SLC18B1: variants seen among roughly 807,000 people sequenced by gnomAD.
SLC18B1 encodes the protein MFS-type transporter SLC18B1.
In SLC18B1, 62 loss-of-function variants were observed where a neutral mutation model predicts 53.9. The observed-to-expected ratio is 1.15, with a 90% CI of 0.94 to 1.42. SLC18B1 has a LOEUF of 1.42. Ranked by LOEUF, SLC18B1 falls within the 40% of genes most tolerant of loss-of-function variation. The probability of loss-of-function intolerance (pLI) is 0.00; values close to 1 mark genes in which losing one functional copy is unlikely to be tolerated. For synonymous variants in SLC18B1, 217 were observed against 200.9 expected (o/e 1.08, Z -0.68); for missense variants, 598 against 547.3 (o/e 1.09, Z -0.93).
intron 6 of SLC18B1, among the ~76,000 whole-genome samples, chr6:132,782,054 G>A (rs1781250885): frequency 6.6e-6 from 1 of 151,648 alleles, no homozygotes; most frequent in African/African-American, 2.4e-5. Context: ...CAGGTGTGGT[G>A]GCATGCACCT....
chr6:132,797,478 A>G (rs372775783), intron 1 of SLC18B1, among the ~76,000 whole-genome samples: 3 of 152,120 alleles, frequency 2.0e-5, no homozygotes, highest in Non-Finnish European at 4.4e-5. Context: ...GGGCCCCTGT[A>G]TCCCAGCTAC....
At chr6:132,775,544 A>G (rs1476967497) in intron 8 of SLC18B1, among the ~76,000 whole-genome samples, 1 of 152,230 alleles carries the variant, frequency 6.6e-6, no homozygotes, top group Non-Finnish European at 1.5e-5. Flanking sequence ...TGATAAATAA[A>G]TATGCAAATG....
chr6:132,778,882 G>GA (rs1398768502), intron 7 of SLC18B1, among the ~76,000 whole-genome samples: 6 of 152,154 alleles, frequency 3.9e-5, no homozygotes, highest in East Asian at 1.9e-4. Flanking sequence ...ACCCAGGGGG[G>GA]ATCTGTTATA....
rs113308466 is a variant in SLC18B1, at chr6:132,770,504, G to T, written c.1305-168C>A. ...TAATCCCAGCATTTTGGGAGGCAGA[G>T]GCAGGCGGATCACTTGAGGTCAGGA... On this transcript the variant is annotated intron_variant, in intron 13 of 13. Coordinates refer to ENST00000275227, the MANE Select transcript of SLC18B1 (RefSeq NM_052831.3). 6.6e-4 allele frequency among the ~76,000 whole-genome samples: 100 copies of T among 152,320 alleles called. 1 individual carries two copies. Among genetic ancestry groups the T allele is most frequent in the African/African-American group, 2.4e-3 (98 of 41,568 alleles).
At position 132,770,137 on chromosome 6, in the gene SLC18B1, G is replaced by A. The variant is rs1029543217; in HGVS notation, c.*133C>T. 7 of 692,402 alleles carry A rather than the reference G, an allele frequency of 1.0e-5. No individual in the cohort carries two copies. Among genetic ancestry groups the A allele is most frequent in the African/African-American group, 9.0e-5 (5 of 55,448 alleles). 42.9% of individuals were successfully genotyped at this position (692,402 alleles called of 1,614,324 possible). On this transcript the variant is annotated 3_prime_UTR_variant, in exon 14 of 14. Coordinates refer to ENST00000275227, the MANE Select transcript of SLC18B1 (RefSeq NM_052831.3). ...CCAATACAGGATCATCCAAAAACAC[G>A]TTGACACTTCCAAGACACTGGCACG...
chr6:132,787,576 A>T lies in SLC18B1; in HGVS notation c.359T>A (p.Leu120Ter). 6.4e-7 allele frequency: 1 copy of T among 1,569,892 alleles called. No homozygotes were observed. Reference sequence around the variant, plus strand: ...TACTGGCCCATCTGGAACTCGGTCCAATACACTAAAAAGGAATAAGACAAT... The same window carrying T: ...TACTGGCCCATCTGGAACTCGGTCCTATACACTAAAAAGGAATAAGACAAT... ...SGGVTILFGV[L>*]DRVPDGPVFI... Residue 120 changes from leucine to a stop codon, truncating the protein, a stop_gained, in exon 5 of 14, where the codon TTG becomes TAG. Coordinates refer to ENST00000275227, the MANE Select transcript of SLC18B1 (RefSeq NM_052831.3). LOFTEE classifies it high-confidence loss of function.
chr6:132,797,291 C>A (rs572253669), intron 1 of SLC18B1, among the ~76,000 whole-genome samples, 170 bp from the exon 2 acceptor site: 1 of 152,352 alleles, frequency 6.6e-6, no homozygotes, highest in South Asian at 2.1e-4. Flanking sequence ...TTGTACATTA[C>A]TGCCGTTTTG....
chr6:132,788,241 T>C (rs1482763885), intron 4 of SLC18B1, among the ~76,000 whole-genome samples: 4 of 151,602 alleles, frequency 2.6e-5, no homozygotes, highest in Non-Finnish European at 4.4e-5. Context: ...CTTGGTCCAA[T>C]ACACTAAAAA....
At chr6:132,796,327 C>T (rs1410491870) in intron 2 of SLC18B1, among the ~76,000 whole-genome samples, 3 of 136,882 alleles carry the variant, frequency 2.2e-5, no homozygotes, top group East Asian at 4.1e-4. Flanking sequence ...TGCACTCCAG[C>T]CTGGGCGAGA....
intron 2 of SLC18B1, among the ~76,000 whole-genome samples, chr6:132,793,853 T>G (rs1781606716): frequency 6.6e-6 from 1 of 152,172 alleles, no homozygotes; most frequent in South Asian, 2.1e-4. Flanking sequence ...CTGAATAAAA[T>G]GAACTTTAAT....
At chr6:132,783,795 T>C (rs978222951) in intron 6 of SLC18B1, 138 bp downstream of exon 6, 2 of 638,344 alleles carry the variant, frequency 3.1e-6, no homozygotes, top group African/African-American at 1.9e-5. Context: ...ACTAATTGCC[T>C]ACATTACTGA....
intron 9 of SLC18B1, among the ~76,000 whole-genome samples, chr6:132,773,856 C>T (rs1302220017): frequency 6.8e-6 from 1 of 147,414 alleles, no homozygotes; most frequent in African/African-American, 2.7e-5. Context: ...TGGTCCCTGC[C>T]TCAAGGAAAA....
intron 2 of SLC18B1, among the ~76,000 whole-genome samples, chr6:132,790,588 C>T (rs1313269856): frequency 6.6e-6 from 1 of 152,128 alleles, no homozygotes; most frequent in Non-Finnish European, 1.5e-5. Context: ...GAAATTTGGG[C>T]TCTATTGCAT....
intron 9 of SLC18B1, 31 bp from the exon 10 acceptor site, chr6:132,773,119 A>G: frequency 6.6e-7 from 1 of 1,507,214 alleles, no homozygotes; most frequent in Non-Finnish European, 9.2e-7. Context: ...AAACAAATAC[A>G]AAAAGAAAAA....
At chr6:132,774,842 C>T (rs1253540994) in intron 8 of SLC18B1, among the ~76,000 whole-genome samples, 3 of 151,760 alleles carry the variant, frequency 2.0e-5, no homozygotes, top group Non-Finnish European at 2.9e-5. Flanking sequence ...ACCTGGGAGG[C>T]GGAGGTTGCA....
chr6:132,794,503 A>G (rs548458175), intron 2 of SLC18B1, among the ~76,000 whole-genome samples: 2 of 152,184 alleles, frequency 1.3e-5, no homozygotes, highest in South Asian at 2.1e-4. Context: ...TAAGTCCTTG[A>G]CAAGTGCCCT....
At chr6:132,795,270 G>T (rs1350982855) in intron 2 of SLC18B1, among the ~76,000 whole-genome samples, 2 of 151,836 alleles carry the variant, frequency 1.3e-5, no homozygotes, top group Non-Finnish European at 2.9e-5. Context: ...CTCCCAAAGG[G>T]CAGACAAGAG....
At chr6:132,786,188 G>A (rs897456736) in intron 5 of SLC18B1, among the ~76,000 whole-genome samples, 10 of 152,072 alleles carry the variant, frequency 6.6e-5, no homozygotes, top group Non-Finnish European at 1.3e-4. Flanking sequence ...ATGGTATGCC[G>A]GCCAAATGGC....
At chr6:132,771,178 A>C in intron 11 of SLC18B1, 49 bp from the exon 12 acceptor site, 2 of 1,504,312 alleles carry the variant, frequency 1.3e-6, no homozygotes, top group Non-Finnish European at 1.8e-6. Flanking sequence ...AAAATAAATA[A>C]TTACTTCATG....
Sources: gnomAD v4.1 joint callset for allele counts (sites outside exome capture counted in the v4.1 genomes callset) on GRCh38, gnomAD v4.1.1 for gene constraint, MANE v1.5 for transcripts, NCBI Gene and HGNC (gene_info 2026-07-23, HGNC 2026-07-21) for gene names.